The following CFAP95 variants were observed in gnomAD, a reference collection of about 807,000 sequenced individuals.
CFAP95 encodes cilia- and flagella-associated protein 95.
chr9:69,890,340 C>T, the CFAP95 span, among the ~76,000 whole-genome samples: 2 of 152,178 alleles, frequency 1.3e-5, no homozygotes, highest in South Asian at 4.1e-4. Flanking sequence ...CACAGCATAC[C>T]ATGACAGTTG....
chr9:69,902,329 A>G, the CFAP95 span: 58 of 454,996 alleles, frequency 1.3e-4, no homozygotes, highest in Admixed American at 4.0e-4. Flanking sequence ...TTCTCTACCC[A>G]TTTGGAGAAC....
the CFAP95 span, among the ~76,000 whole-genome samples, chr9:69,832,505 GCTGGACTTT>G: frequency 6.6e-6 from 1 of 151,822 alleles, no homozygotes; most frequent in Non-Finnish European, 1.5e-5. Flanking sequence ...CAAATGTCCT[GCTGGACTTT>G]CAGGCACAAA....
the CFAP95 span, among the ~76,000 whole-genome samples, chr9:69,877,818 T>G: frequency 6.6e-6 from 1 of 152,342 alleles, no homozygotes; most frequent in South Asian, 2.1e-4. Context: ...TTTTCTAGGC[T>G]CTCTAGTGCA....
At chr9:69,853,357 T>C in the CFAP95 span, among the ~76,000 whole-genome samples, 12 of 152,180 alleles carry the variant, frequency 7.9e-5, no homozygotes, top group Non-Finnish European at 1.3e-4. Context: ...GATTTAAAAA[T>C]AATTCGTACT....
the CFAP95 span, among the ~76,000 whole-genome samples, chr9:69,862,642 T>A: frequency 6.6e-6 from 1 of 152,202 alleles, no homozygotes; most frequent in Non-Finnish European, 1.5e-5. Flanking sequence ...ACTGTAATCA[T>A]AAGGTGAATT....
At chr9:69,902,462 T>C in the CFAP95 span, 8 of 332,962 alleles carry the variant, frequency 2.4e-5, no homozygotes, top group South Asian at 1.9e-4. Flanking sequence ...ATGACTTTTC[T>C]CTTTGGTTGG....
chr9:69,893,107 C>T, the CFAP95 span, among the ~76,000 whole-genome samples: 18 of 152,226 alleles, frequency 1.2e-4, no homozygotes, highest in African/African-American at 3.6e-4. Context: ...AGACAGTACA[C>T]TTTAACACAT....
the CFAP95 span, among the ~76,000 whole-genome samples, chr9:69,859,903 A>G: frequency 2.0e-5 from 3 of 152,202 alleles, no homozygotes; most frequent in African/African-American, 7.2e-5. Context: ...GTATCTAAAC[A>G]TATCTAAACA....
At chr9:69,823,200 G>A in the CFAP95 span, among the ~76,000 whole-genome samples, 6 of 152,140 alleles carry the variant, frequency 3.9e-5, no homozygotes, top group African/African-American at 1.4e-4. Context: ...GGGTGAAGGA[G>A]GAACTTCGAA....
the CFAP95 span, chr9:69,886,841 T>C: frequency 1.2e-6 from 2 of 1,612,622 alleles, no homozygotes; most frequent in Admixed American, 3.3e-5. Flanking sequence ...CTCTTAGGTG[T>C]GCATTGACAA....
At chr9:69,864,291 T>C in the CFAP95 span, among the ~76,000 whole-genome samples, 1 of 152,040 alleles carries the variant, frequency 6.6e-6, no homozygotes, top group Non-Finnish European at 1.5e-5. Flanking sequence ...AAGTAGCTTT[T>C]GGAAATTGTG....
chr9:69,832,743 G>T, the CFAP95 span, among the ~76,000 whole-genome samples: 1 of 136,534 alleles, frequency 7.3e-6, no homozygotes, highest in Non-Finnish European at 1.5e-5. Context: ...TGTGCAAAAC[G>T]TGCAGGTTTG....
the CFAP95 span, among the ~76,000 whole-genome samples, chr9:69,866,952 T>C: frequency 1.3e-5 from 2 of 152,212 alleles, no homozygotes; most frequent in African/African-American, 4.8e-5. Flanking sequence ...TGGCTGGTAC[T>C]GAGTGGTGAC....
At chr9:69,861,950 C>A in the CFAP95 span, among the ~76,000 whole-genome samples, 1 of 152,098 alleles carries the variant, frequency 6.6e-6, no homozygotes, top group Admixed American at 6.5e-5. Context: ...TTGGTTAGGT[C>A]CCTCACTGTG....
chr9:69,883,299 G>C, the CFAP95 span, among the ~76,000 whole-genome samples: 1 of 152,162 alleles, frequency 6.6e-6, no homozygotes, highest in Admixed American at 6.5e-5. Flanking sequence ...CTTATCATAG[G>C]CTTGGAATGT....
chr9:69,840,017 T>C, the CFAP95 span, among the ~76,000 whole-genome samples: 12 of 150,856 alleles, frequency 8.0e-5, no homozygotes, highest in African/African-American at 2.7e-4. Context: ...GCGGAGGTTG[T>C]AGTGAGCTGA....
At chr9:69,880,399 A>C in the CFAP95 span, among the ~76,000 whole-genome samples, 3 of 152,096 alleles carry the variant, frequency 2.0e-5, no homozygotes, top group Non-Finnish European at 4.4e-5. Flanking sequence ...ACACGGTGAG[A>C]ACATGTGATA....
At chr9:69,890,269 C>T in the CFAP95 span, among the ~76,000 whole-genome samples, 4 of 152,010 alleles carry the variant, frequency 2.6e-5, no homozygotes, top group South Asian at 6.2e-4. Context: ...TATATTTATG[C>T]TTTTAATTTT....
the CFAP95 span, among the ~76,000 whole-genome samples, chr9:69,876,404 A>G: frequency 6.6e-6 from 1 of 151,898 alleles, no homozygotes; most frequent in Admixed American, 6.6e-5. Flanking sequence ...CTGGTGATGC[A>G]TGCCTGTAGT....
Sources: allele counts gnomAD v4.1 joint callset (sites outside exome capture counted in the v4.1 genomes callset), GRCh38; gene constraint gnomAD v4.1.1; transcripts MANE v1.5; gene names NCBI Gene and HGNC (gene_info 2026-07-23, HGNC 2026-07-21).